FAM151A: variants seen among roughly 807,000 people sequenced by gnomAD.
FAM151A encodes the protein protein FAM151A.
A neutral mutation model predicts 40.4 loss-of-function variants in FAM151A; 41 were observed. The observed-to-expected ratio is 1.01, with a 90% CI of 0.79 to 1.32. FAM151A has a LOEUF of 1.32. Among genes scored for constraint, FAM151A ranks in the 40% most tolerant of loss-of-function variants. FAM151A has a pLI of 0.00. For synonymous variants in FAM151A, 337 were observed against 312.5 expected (o/e 1.08, Z -0.83); for missense variants, 740 against 740.4 (o/e 1.00, Z 0.01).
chr1:54,610,728 A>C, intron 6 of FAM151A, 173 bp from the exon 7 acceptor site: 1 of 979,818 alleles, frequency 1.0e-6, no homozygotes, highest in South Asian at 4.7e-5. Context: ...GACTTGCCCA[A>C]GGTCTTATAA....
Position 54,611,755 on chromosome 1 carries a change from C to A in FAM151A, c.801-10G>T. On this transcript the variant is annotated splice_polypyrimidine_tract_variant and intron_variant, in intron 5 of 7. Coordinates refer to ENST00000302250, the MANE Select transcript of FAM151A (RefSeq NM_176782.3). Reference sequence around the variant, plus strand: ...CAGCGTCAGGCTGTACCTGGGGACACGAGAGCTGGCTCAGTGCCTGTCTGG... The same window carrying A: ...CAGCGTCAGGCTGTACCTGGGGACAAGAGAGCTGGCTCAGTGCCTGTCTGG... 2 of 1,613,802 alleles carry A rather than the reference C, an allele frequency of 1.2e-6. No individual in the cohort carries two copies. Among genetic ancestry groups the A allele is most frequent in the Non-Finnish European group, 1.7e-6 (2 of 1,179,844 alleles).
At chr1:54,614,935 AGCGG>A (rs1279693809) in intron 3 of FAM151A, 76 bp from the exon 4 acceptor site, 3 of 1,155,594 alleles carry the variant, frequency 2.6e-6, no homozygotes, top group African/African-American at 1.7e-5. Context: ...CAGAAAGCAG[AGCGG>A]GTGTGTGTGT....
chr1:54,623,336 G>C lies in FAM151A; in HGVS notation c.60C>G (p.Thr20=). The C allele has an allele frequency of 6.2e-6, 10 of 1,614,080 alleles. No homozygotes were observed. The highest frequency in any genetic ancestry group is 8.5e-6 in the Non-Finnish European group (10 of 1,180,020). The part of the protein sequence containing the change: ...NQVKWVFAGI[T]CVSVVVIAAI... ...CGGCAATGACCACCACAGACACACA[G>C]GTAATGCCGGCAAACACCCACTTGA... The change falls in exon 1 of 8, where the codon ACC becomes ACG. Residue 20 remains threonine (T), a synonymous_variant. Transcript: ENST00000302250.
rs111642112 is a variant in FAM151A at position 54,617,355 on chromosome 1, C to G, written c.263-1183G>C. 6.8e-3 allele frequency among the ~76,000 whole-genome samples: 1,027 copies of G among 152,004 alleles called. 11 individuals carry two copies. Among genetic ancestry groups the G allele is most frequent in the African/African-American group, 0.023 (950 of 41,424 alleles). ...CTTTTCTCCTGCTTTCTCCCTGACT[C>G]CTGACCATTCTTCTCACCTCTAGCA... On this transcript the variant is annotated intron_variant, in intron 2 of 7. Coordinates refer to ENST00000302250, the MANE Select transcript of FAM151A (RefSeq NM_176782.3).
At chr1:54,613,358 A>G (rs1175618092) in intron 4 of FAM151A, among the ~76,000 whole-genome samples, 1 of 151,970 alleles carries the variant, frequency 6.6e-6, no homozygotes, top group African/African-American at 2.4e-5. Context: ...CAACTTGGGC[A>G]ACAGAGTGAG....
intron 2 of FAM151A, among the ~76,000 whole-genome samples, chr1:54,619,298 A>G (rs942056293): frequency 2.6e-5 from 4 of 152,240 alleles, no homozygotes; most frequent in Non-Finnish European, 5.9e-5. Context: ...GTGGGGGTCA[A>G]GCGTCACGCA....
In FAM151A at chr1:54,609,529, C is replaced by A. The variant is rs1463599538; in HGVS notation, c.1497G>T (p.Glu499Asp). Reference protein sequence around the residue: ...YREQLLTDMLELCQGLWQPVS... With the variant: ...YREQLLTDMLDLCQGLWQPVS... ...CAGGTTGCCAGAGCCCCTGGCACAA[C>A]TCTAGCATATCTGTGAGCAGCTGTT... Residue 499 changes from glutamate (E) to aspartate (D), a missense_variant, in exon 8 of 8, where the codon GAG (glutamate) becomes GAT (aspartate). Glu to Asp is a conservative substitution (Grantham distance 45). Coordinates refer to ENST00000302250, the MANE Select transcript of FAM151A (RefSeq NM_176782.3). 1 of 1,612,956 alleles carries A rather than the reference C, an allele frequency of 6.2e-7. No individual in the cohort carries two copies. The highest frequency in any genetic ancestry group is 2.2e-5 in the East Asian group (1 of 44,896).
chr1:54,609,230 TC>T lies in FAM151A; in HGVS notation c.*37del, dbSNP rs1325126497. 1.1e-5 allele frequency: 17 copies of T among 1,591,598 alleles called. No individual in the cohort carries two copies. The highest frequency in any genetic ancestry group is 8.6e-7 in the Non-Finnish European group (1 of 1,167,550). On this transcript the variant is annotated 3_prime_UTR_variant, in exon 8 of 8. Transcript: ENST00000302250. ...TCTTCCTGCCTCCCCGTGGGAAGCCTCCGCCCTGAGGTCCGCTGGCCCACCA... is the reference window on the plus strand; with the variant it reads ...TCTTCCTGCCTCCCCGTGGGAAGCCTCGCCCTGAGGTCCGCTGGCCCACCA...
Position 54,609,648 on chromosome 1 carries a change from C to A in FAM151A, c.1378G>T (p.Gly460Cys), listed in dbSNP as rs1442203732. 3.7e-6 allele frequency: 6 copies of A among 1,613,866 alleles called. No homozygotes were observed. The Admixed American group carries it at 5.0e-5, about 13-fold the overall frequency. ...GCCACAGCTGTAAGCAGCTCTCTGC[C>A]AGCCACATGGCCGGGGACCGAAAAA... ...GSFSVPGHVA[G>C]RELLTAVAEV... is the part of the protein sequence containing the mutation. The change falls in exon 8 of 8, where the codon GGC becomes TGC. Residue 460 changes from glycine to cysteine, a missense_variant. Transcript: ENST00000302250.
intron 1 of FAM151A, among the ~76,000 whole-genome samples, 183 bp from the exon 2 acceptor site, chr1:54,620,190 A>G (rs1468505936): frequency 6.6e-6 from 1 of 152,230 alleles, no homozygotes; most frequent in Non-Finnish European, 1.5e-5. Context: ...CTGGGGCCCA[A>G]GGAAGCCTCA....
In FAM151A at chr1:54,612,661, C is replaced by A. The variant is rs1281336552; in HGVS notation, c.625G>T (p.Gly209Cys). The A allele has an allele frequency of 4.3e-6, 7 of 1,614,078 alleles. No individual in the cohort carries two copies. Among genetic ancestry groups the A allele is most frequent in the Non-Finnish European group, 5.1e-6 (6 of 1,180,014 alleles). Residue 209 changes from glycine to cysteine, a missense_variant, in exon 5 of 8, where the codon GGC becomes TGC. Coordinates refer to ENST00000302250, the MANE Select transcript of FAM151A (RefSeq NM_176782.3). ...EKYPKATLSP[G>C]WTTFYMSTSP... ...GTGGACATGTAGAAGGTGGTCCAGC[C>A]TGGAGATAGGGTAGCCTTGGGATAC...
chr1:54,619,043 C>G (rs1254322782), intron 2 of FAM151A, among the ~76,000 whole-genome samples: 1 of 152,074 alleles, frequency 6.6e-6, no homozygotes, highest in African/African-American at 2.4e-5. Flanking sequence ...GTCATTCTAC[C>G]AGCCCTCAGA....
intron 2 of FAM151A, among the ~76,000 whole-genome samples, chr1:54,617,550 A>G (rs1644185568): frequency 6.6e-6 from 1 of 151,534 alleles, no homozygotes; most frequent in East Asian, 1.9e-4. Flanking sequence ...GGTCTGTACA[A>G]TCAGGGCCTG....
intron 1 of FAM151A, among the ~76,000 whole-genome samples, chr1:54,620,490 G>A (rs1644219112): frequency 6.6e-6 from 1 of 152,148 alleles, no homozygotes; most frequent in African/African-American, 2.4e-5. Context: ...TGGATCACCT[G>A]AGATTAGGAG....
Position 54,611,160 on chromosome 1 carries a change from C to T in FAM151A, c.940+446G>A, listed in dbSNP as rs904490554. ...CTATAAAATGAATGTGTGGGTCAGG[C>T]AGGTGGCTCATGCCTGTAATCCCAG... On this transcript the variant is annotated intron_variant, in intron 6 of 7. Coordinates refer to ENST00000302250, the MANE Select transcript of FAM151A (RefSeq NM_176782.3). 18 of 519,322 alleles carry T rather than the reference C, an allele frequency of 3.5e-5. No homozygotes were observed. In the African/African-American group the frequency reaches 3.5e-4, roughly 10 times the overall value. The allele number at this position is 519,322 out of a possible 1,614,324, so 32.2% of individuals were successfully genotyped here.
chr1:54,610,338 G>C, intron 7 of FAM151A, 74 bp downstream of exon 7: 3 of 1,567,532 alleles, frequency 1.9e-6, no homozygotes, highest in Non-Finnish European at 2.6e-6. Flanking sequence ...AACAGAGACC[G>C]GCGGTACCTG....
At chr1:54,620,708 A>G (rs1010919446) in intron 1 of FAM151A, among the ~76,000 whole-genome samples, 5 of 151,024 alleles carry the variant, frequency 3.3e-5, no homozygotes, top group Admixed American at 1.3e-4. Flanking sequence ...AGCGGGATGG[A>G]CGTGGTGGCA....
intron 1 of FAM151A, chr1:54,621,761 C>G (rs1224283246): frequency 6.6e-6 from 1 of 152,452 alleles, no homozygotes; most frequent in African/African-American, 2.4e-5. Context: ...GGAACACAGG[C>G]ATGAGGTGGG....
chr1:54,620,133 G>T, intron 1 of FAM151A, 126 bp from the exon 2 acceptor site: 1 of 1,027,804 alleles, frequency 9.7e-7, no homozygotes, highest in Non-Finnish European at 1.4e-6. Flanking sequence ...GAGGGACGGT[G>T]AGGCTCAGAC....
Sources: gnomAD v4.1 joint callset for allele counts (sites outside exome capture counted in the v4.1 genomes callset) on GRCh38, gnomAD v4.1.1 for gene constraint, MANE v1.5 for transcripts, NCBI Gene and HGNC (gene_info 2026-07-23, HGNC 2026-07-21) for gene names.